The following SLTM variants were observed in gnomAD, a reference collection of about 807,000 sequenced individuals.
SLTM encodes the protein SAFB like transcription modulator.
SLTM carries 43 observed loss-of-function variants against 134.6 expected under a neutral mutation model. The observed-to-expected ratio is 0.32, with a 90% CI of 0.25 to 0.41. The LOEUF is 0.41. Among genes scored for constraint, SLTM ranks in the 10% least tolerant of loss-of-function variants. SLTM has a pLI of 1.00. For synonymous variants in SLTM, 424 were observed against 432.3 expected, an observed-to-expected ratio of 0.98 and a Z score of 0.24; for missense variants, 1,055 against 1,288.8, an observed-to-expected ratio of 0.82 and a Z score of 2.78.
Position 58,894,540 on chromosome 15 carries a change from C to T in SLTM, c.1270G>A (p.Ala424Thr). The change falls in exon 10 of 21, where the codon GCA (alanine) becomes ACA (threonine). Residue 424 changes from alanine (A) to threonine (T), a missense_variant. By Grantham distance (58) the Ala-to-Thr change is moderately conservative (BLOSUM62 0). This residue lies in a region of SLTM where 776 missense variants were observed against 962.2 expected (regional missense o/e 0.81). Coordinates refer to ENST00000380516, the MANE Select transcript of SLTM (RefSeq NM_024755.4). ...ATAGTTACAATGCCATAGCATTTTG[C>T]CCCAGGACTTCGAGCATTTGTAACT... ...KVVTNARSPGAKCYGIVTMSS... is the reference protein window; with the variant it reads ...KVVTNARSPGTKCYGIVTMSS... The T allele has an allele frequency of 6.2e-7, 1 of 1,614,056 alleles. No individual in the cohort carries two copies.
chr15:58,932,471 T>C, intron 1 of SLTM, 28 bp from the exon 2 acceptor site: 1 of 1,457,658 alleles, frequency 6.9e-7, no homozygotes, highest in South Asian at 1.1e-5. Context: ...GTTAATATGC[T>C]ACACAATCTA....
intron 9 of SLTM, among the ~76,000 whole-genome samples, chr15:58,895,566 C>T (rs1263195676): frequency 6.6e-6 from 1 of 152,132 alleles, no homozygotes; most frequent in Non-Finnish European, 1.5e-5. Context: ...GTATGGGTGG[C>T]TGGAACAAAT....
At chr15:58,904,492 A>T (rs2035729219) in intron 5 of SLTM, among the ~76,000 whole-genome samples, 1 of 152,112 alleles carries the variant, frequency 6.6e-6, no homozygotes, top group Non-Finnish European at 1.5e-5. Context: ...TGATCAATTG[A>T]TAACAGTGTA....
At position 58,929,277 on chromosome 15, in the gene SLTM, C is replaced by A. The variant is rs149769161; in HGVS notation, c.250+3079G>T. Among the ~76,000 whole-genome samples, 5 of 152,020 alleles carry A rather than the reference C, an allele frequency of 3.3e-5. No individual in the cohort carries two copies. The South Asian group carries it at 1.0e-3, about 31-fold the overall frequency. On this transcript the variant is annotated intron_variant, in intron 2 of 20. Transcript: ENST00000380516. ...ACAAGCCTGACCAACTGGAGAAACC[C>A]GTCTCTACTAAAAATACAAAATTAG...
At chr15:58,912,450 T>C in intron 5 of SLTM, 113 bp downstream of exon 5, 1 of 966,668 alleles carries the variant, frequency 1.0e-6, no homozygotes, top group Non-Finnish European at 1.6e-6. Flanking sequence ...AATAACTCAG[T>C]ATTAAATTTA....
chr15:58,913,775 A>G (rs1054746550), intron 3 of SLTM, 79 bp from the exon 4 acceptor site: 2 of 1,023,632 alleles, frequency 2.0e-6, no homozygotes, highest in Non-Finnish European at 3.0e-6. Context: ...GGTAATTTAC[A>G]CCTTTAAATG....
At chr15:58,889,617 T>G in intron 15 of SLTM, 63 bp from the exon 16 acceptor site, 1 of 1,594,598 alleles carries the variant, frequency 6.3e-7, no homozygotes, top group Non-Finnish European at 8.5e-7. Context: ...TAAGTATACA[T>G]GCAACCTTGT....
chr15:58,881,506 G>A (rs1330082046), intron 20 of SLTM, among the ~76,000 whole-genome samples: 2 of 148,066 alleles, frequency 1.4e-5, no homozygotes, highest in East Asian at 2.0e-4. Context: ...CAGCTTGGGG[G>A]ACAGATACTT....
chr15:58,920,042 G>A (rs1288911912), intron 2 of SLTM, among the ~76,000 whole-genome samples: 5 of 152,166 alleles, frequency 3.3e-5, no homozygotes, highest in African/African-American at 4.8e-5. Context: ...GAGGCCGGGC[G>A]CAGTGCCTCA....
chr15:58,915,501 C>G lies in SLTM; in HGVS notation c.315+1434G>C, dbSNP rs145087962. Reference sequence around the variant, plus strand: ...TTAATCATACACTTACTGGTGAAGACAACTGGAGAAAATAGGAACAAAGGA... The same window carrying G: ...TTAATCATACACTTACTGGTGAAGAGAACTGGAGAAAATAGGAACAAAGGA... On this transcript the variant is annotated intron_variant, in intron 3 of 20. Transcript: ENST00000380516. 1.5e-3 allele frequency among the ~76,000 whole-genome samples: 222 copies of G among 152,150 alleles called. 1 individual carries two copies. The highest frequency in any genetic ancestry group is 2.5e-3 in the Non-Finnish European group (173 of 68,004).
In SLTM at chr15:58,887,159, T is replaced by A. The variant is rs561381023; in HGVS notation, c.2691-40A>T. On this transcript the variant is annotated intron_variant, in intron 18 of 20. Transcript: ENST00000380516. ...ATAAAAACATACATGATCAAAACTG[T>A]AATCTTAACTTTTTTTAACCCCAAT... The A allele has an allele frequency of 1.9e-6, 3 of 1,612,558 alleles. No homozygotes were observed. The African/African-American group carries it at 4.0e-5, about 22-fold the overall frequency.
chr15:58,932,371 G>C lies in SLTM; in HGVS notation c.235C>G (p.Pro79Ala). Residue 79 changes from proline (P) to alanine (A), a missense_variant, in exon 2 of 21, where the codon CCA becomes GCA. Pro to Ala is a conservative substitution (Grantham distance 27). Around this residue, in one of 3 missense-constraint regions of SLTM, gnomAD observed 268 missense variants for 284.3 expected, o/e 0.94. Transcript: ENST00000380516. ...TCGTAACAACCTTTGCCTTTAGTTGGTTTCTTGTTTGGAGTATCAGTTGAA... is the reference window on the plus strand; with the variant it reads ...TCGTAACAACCTTTGCCTTTAGTTGCTTTCTTGTTTGGAGTATCAGTTGAA... ...TVSTDTPNKK[P>A]TKGKGKKHEA... 1 of 1,613,062 alleles carries C rather than the reference G, an allele frequency of 6.2e-7. No individual in the cohort carries two copies. Among genetic ancestry groups the C allele is most frequent in the South Asian group, 1.1e-5 (1 of 91,056 alleles).
intron 2 of SLTM, among the ~76,000 whole-genome samples, chr15:58,928,040 A>G (rs1453651044): frequency 6.6e-6 from 1 of 152,208 alleles, no homozygotes; most frequent in Non-Finnish European, 1.5e-5. Flanking sequence ...ACCTCAAAAT[A>G]TATTTGTTTC....
At position 58,888,165 on chromosome 15, in the gene SLTM, A is replaced by G. The variant is rs2034375952; in HGVS notation, c.2375+220T>C. On this transcript the variant is annotated intron_variant, in intron 17 of 20. Transcript: ENST00000380516. ...GAGACCCTGTCTCAAAAAAAATTAA[A>G]ATAGAATAAAGATAAGAAGATAAAG... Among the ~76,000 whole-genome samples the G allele has an allele frequency of 2.0e-5, 3 of 152,178 alleles. No homozygotes were observed. The South Asian group carries it at 6.2e-4, about 31-fold the overall frequency.
chr15:58,904,121 G>A (rs1009440059), intron 5 of SLTM, among the ~76,000 whole-genome samples: 5 of 152,024 alleles, frequency 3.3e-5, no homozygotes, highest in Non-Finnish European at 5.9e-5. Flanking sequence ...CTCCGGCCTC[G>A]GCCTCCCGAG....
chr15:58,907,599 C>T (rs867358232), intron 5 of SLTM, among the ~76,000 whole-genome samples: 1 of 151,378 alleles, frequency 6.6e-6, no homozygotes, highest in Non-Finnish European at 1.5e-5. Flanking sequence ...CCAGCCTGGA[C>T]GACAGAGCAA....
chr15:58,890,196 C>CA, intron 15 of SLTM, 85 bp downstream of exon 15: 1 of 1,506,216 alleles, frequency 6.6e-7, no homozygotes, highest in South Asian at 1.2e-5. Context: ...AGACGCTTTA[C>CA]AACAAGTAAA....
chr15:58,930,890 T>C (rs945509235), intron 2 of SLTM, among the ~76,000 whole-genome samples: 20 of 151,796 alleles, frequency 1.3e-4, no homozygotes, highest in African/African-American at 4.6e-4. Context: ...GAAAAAGGGA[T>C]ATACAGAGAA....
At chr15:58,905,656 T>C (rs1289881072) in intron 5 of SLTM, among the ~76,000 whole-genome samples, 1 of 152,108 alleles carries the variant, frequency 6.6e-6, no homozygotes, top group African/African-American at 2.4e-5. Context: ...GTTTTAGAGA[T>C]GCAAAACTGA....
Sources: allele counts gnomAD v4.1 joint callset (sites outside exome capture counted in the v4.1 genomes callset), GRCh38; gene constraint gnomAD v4.1.1; regional missense constraint gnomAD v4.1.1; transcripts MANE v1.5; gene names NCBI Gene and HGNC (gene_info 2026-07-23, HGNC 2026-07-21).